C8orf34: variants seen among roughly 807,000 people sequenced by gnomAD.
The protein encoded by C8orf34 is chromosome 8 open reading frame 34.
Under a neutral mutation model 68.3 loss-of-function variants are expected in C8orf34, and 65 were observed. The ratio of observed to expected loss-of-function variants is 0.95; its 90% CI spans 0.78 to 1.17. The LOEUF (loss-of-function observed/expected upper bound fraction) is 1.17, where lower values mean the gene tolerates loss of function less well. C8orf34 is among the 50% of genes most tolerant of loss of function. The probability of loss-of-function intolerance (pLI) is 0.00; values close to 1 mark genes in which losing one functional copy is unlikely to be tolerated. For synonymous variants in C8orf34, 244 were observed against 241.2 expected (o/e 1.01, Z -0.11); for missense variants, 664 against 655.4 (o/e 1.01, Z -0.14).
intron 8 of C8orf34, among the ~76,000 whole-genome samples, chr8:68,669,359 TA>T (rs1563597836): frequency 1.3e-5 from 2 of 152,104 alleles, no homozygotes. Context: ...ATTAGAGTCT[TA>T]AAAAAATGAT....
At chr8:68,745,141 A>G (rs989634298) in intron 10 of C8orf34, among the ~76,000 whole-genome samples, 6 of 152,184 alleles carry the variant, frequency 3.9e-5, no homozygotes, top group Non-Finnish European at 5.9e-5. Flanking sequence ...ACTAAGCTTC[A>G]TAAGTGAAGG....
chr8:68,544,050 G>A (rs992946015), intron 7 of C8orf34, among the ~76,000 whole-genome samples: 21 of 152,142 alleles, frequency 1.4e-4, no homozygotes, highest in African/African-American at 5.1e-4. Context: ...GACCTAAGGA[G>A]CAAGAGACTG....
At chr8:68,434,264 A>G (rs899288394) in intron 1 of C8orf34, among the ~76,000 whole-genome samples, 1 of 152,158 alleles carries the variant, frequency 6.6e-6, no homozygotes, top group Non-Finnish European at 1.5e-5. Flanking sequence ...CGCATAGCAT[A>G]CATTAGGTAT....
chr8:68,697,216 T>C (rs1463510500), intron 8 of C8orf34, among the ~76,000 whole-genome samples: 1 of 152,072 alleles, frequency 6.6e-6, no homozygotes, highest in Non-Finnish European at 1.5e-5. Context: ...TTTTATTTGC[T>C]GTATTTCTTC....
intron 1 of C8orf34, among the ~76,000 whole-genome samples, chr8:68,435,539 A>G (rs1412993114): frequency 1.3e-5 from 2 of 152,176 alleles, no homozygotes. Context: ...CCTCATAGCT[A>G]TCTCAGTCAG....
intron 6 of C8orf34, chr8:68,525,748 A>G: frequency 1.6e-6 from 1 of 631,536 alleles, no homozygotes; most frequent in South Asian, 1.4e-5. Context: ...CTCTGTGATC[A>G]TCAATGATTT....
At chr8:68,707,244 T>A (rs1452070675) in intron 8 of C8orf34, among the ~76,000 whole-genome samples, 1 of 152,098 alleles carries the variant, frequency 6.6e-6, no homozygotes, top group Non-Finnish European at 1.5e-5. Flanking sequence ...CGCAATGGAA[T>A]TGGTGCCAAG....
upstream of C8orf34, chr8:68,330,851 C>T: frequency 1.7e-6 from 1 of 574,110 alleles, no homozygotes; most frequent in Non-Finnish European, 2.8e-6. Context: ...AGCCCCGCGG[C>T]CCCTGTCCGC....
intron 1 of C8orf34, among the ~76,000 whole-genome samples, chr8:68,427,143 C>T (rs1042400861): frequency 1.3e-5 from 2 of 151,994 alleles, no homozygotes; most frequent in East Asian, 1.9e-4. Flanking sequence ...TCTTTTAAAA[C>T]TAAAAATGGC....
intron 5 of C8orf34, among the ~76,000 whole-genome samples, chr8:68,511,239 G>C (rs1384410588): frequency 1.3e-5 from 2 of 152,176 alleles, no homozygotes; most frequent in Admixed American, 1.3e-4. Flanking sequence ...CTATAGAATG[G>C]TGCGCCTCGT....
intron 11 of C8orf34, among the ~76,000 whole-genome samples, chr8:68,784,765 C>A (rs138690970): frequency 5.3e-5 from 8 of 151,616 alleles, no homozygotes; most frequent in African/African-American, 1.5e-4. Context: ...AGTCCCTTAT[C>A]TTTTTGACAT....
chr8:68,628,365 C>G (rs1818597272), intron 7 of C8orf34, among the ~76,000 whole-genome samples: 1 of 152,044 alleles, frequency 6.6e-6, no homozygotes, highest in African/African-American at 2.4e-5. Flanking sequence ...ATGGCCTGAA[C>G]ATCTTTCCTT....
chr8:68,402,439 T>C (rs760570355), intron 1 of C8orf34, among the ~76,000 whole-genome samples: 1 of 152,166 alleles, frequency 6.6e-6, no homozygotes, highest in Non-Finnish European at 1.5e-5. Flanking sequence ...ATTTGTTTTC[T>C]TCTGCTAACT....
intron 10 of C8orf34, among the ~76,000 whole-genome samples, chr8:68,741,990 A>T (rs892428693): frequency 6.6e-6 from 1 of 152,170 alleles, no homozygotes; most frequent in Non-Finnish European, 1.5e-5. Context: ...CTATCTCCAA[A>T]GTTTTTCTAC....
At chr8:68,535,675 G>T (rs1563515096) in intron 7 of C8orf34, 1 of 726,832 alleles carries the variant, frequency 1.4e-6, no homozygotes, top group Non-Finnish European at 1.7e-6. Context: ...AATGTTTTAG[G>T]CATATGAAAA....
chr8:68,747,186 A>C (rs1044620882), intron 10 of C8orf34, among the ~76,000 whole-genome samples: 27 of 151,814 alleles, frequency 1.8e-4, no homozygotes, highest in African/African-American at 5.3e-4. Flanking sequence ...ATTCAACAAC[A>C]CTTCATGCTA....
chr8:68,663,557 A>C lies in C8orf34; in HGVS notation c.1241+23046A>C, dbSNP rs146138241. 9.5e-4 allele frequency among the ~76,000 whole-genome samples: 144 copies of C among 152,216 alleles called. 2 individuals are homozygous for C. The East Asian group carries it at 0.021, about 23-fold the overall frequency. On this transcript the variant is annotated intron_variant, in intron 8 of 13. Coordinates refer to ENST00000518698, the MANE Select transcript of C8orf34 (RefSeq NM_052958.4). ...TTGAGCAAAGTTCTTATTTTCTATC[A>C]CCTTGACATCAGTGCCTTGAATTTG...
At chr8:68,409,647 G>A (rs969431092) in intron 1 of C8orf34, among the ~76,000 whole-genome samples, 1 of 152,046 alleles carries the variant, frequency 6.6e-6, no homozygotes, top group Admixed American at 6.6e-5. Context: ...CTTGAAGAAA[G>A]GAATGCCTTT....
At chr8:68,611,271 A>T (rs755092224) in intron 7 of C8orf34, among the ~76,000 whole-genome samples, 4 of 152,198 alleles carry the variant, frequency 2.6e-5, no homozygotes, top group Non-Finnish European at 5.9e-5. Flanking sequence ...GTTTTGGCAG[A>T]AATATGAAAA....
Sources: gnomAD v4.1 joint callset for allele counts (sites outside exome capture counted in the v4.1 genomes callset) on GRCh38, gnomAD v4.1.1 for gene constraint, MANE v1.5 for transcripts, NCBI Gene and HGNC (gene_info 2026-07-23, HGNC 2026-07-21) for gene names.